Variants in FBXL20 observed in about 807,000 individuals in gnomAD.
The protein encoded by FBXL20 is F-box and leucine rich repeat protein 20, also known as F-box/LRR-repeat protein 20.
In FBXL20, 11 loss-of-function variants were observed where a neutral mutation model predicts 64.0. The ratio of observed to expected loss-of-function variants is 0.17; its 90% CI spans 0.11 to 0.28. The LOEUF (loss-of-function observed/expected upper bound fraction) is 0.28, where lower values mean the gene tolerates loss of function less well. FBXL20 is among the 10% of genes least tolerant of loss of function. FBXL20 has a pLI of 1.00. For synonymous variants in FBXL20, 184 were observed against 189.0 expected (o/e 0.97, Z 0.22); for missense variants, 303 against 526.2 (o/e 0.58, Z 4.15).
At chr17:39,355,421 T>G (rs561689014) in intron 1 of FBXL20, among the ~76,000 whole-genome samples, 5 of 152,324 alleles carry the variant, frequency 3.3e-5, no homozygotes, top group African/African-American at 1.2e-4. Context: ...ATGATTTGAT[T>G]ATTTGATTTG....
At position 39,382,384 on chromosome 17, in the gene FBXL20, A is replaced by G. The variant is rs189895757; in HGVS notation, c.42+18977T>C. On this transcript the variant is annotated intron_variant, in intron 1 of 14. Coordinates refer to ENST00000264658, the MANE Select transcript of FBXL20 (RefSeq NM_032875.3). The stretch of plus-strand genomic sequence containing the variant: ...CGTGAACCCAGGAGGTGGAGGTTGC[A>G]GTGAGCCCAGATCGCGCCACTGCAC... Among the ~76,000 whole-genome samples, 280 of 149,370 alleles carry G rather than the reference A, an allele frequency of 1.9e-3. 2 individuals carry two copies. The highest frequency in any genetic ancestry group is 6.6e-3 in the African/African-American group (269 of 40,530).
intron 12 of FBXL20, among the ~76,000 whole-genome samples, chr17:39,266,956 G>T (rs1390689187): frequency 6.6e-6 from 1 of 152,020 alleles, no homozygotes; most frequent in East Asian, 1.9e-4. Flanking sequence ...AGAAATTCAA[G>T]ACCAGTCTGA....
chr17:39,351,507 G>T (rs537172834), intron 1 of FBXL20, among the ~76,000 whole-genome samples: 1 of 151,966 alleles, frequency 6.6e-6, no homozygotes, highest in East Asian at 1.9e-4. Context: ...TATTTCAGTT[G>T]AATCCAAACT....
chr17:39,284,212 T>G (rs2046970424), intron 7 of FBXL20, among the ~76,000 whole-genome samples: 1 of 152,176 alleles, frequency 6.6e-6, no homozygotes, highest in Non-Finnish European at 1.5e-5. Flanking sequence ...CACAAAGCTT[T>G]TAAATAAATA....
chr17:39,329,736 A>G (rs1216730956), intron 2 of FBXL20, among the ~76,000 whole-genome samples: 1 of 152,186 alleles, frequency 6.6e-6, no homozygotes, highest in Non-Finnish European at 1.5e-5. Flanking sequence ...GGTGGCTCAC[A>G]TCTGTAATCC....
chr17:39,255,117 G>C lies in FBXL20; in HGVS notation c.*6343C>G, dbSNP rs1377959616. 1 of 152,186 alleles carries C rather than the reference G, an allele frequency of 6.6e-6. No homozygotes were observed. The highest frequency in any genetic ancestry group is 6.5e-5 in the Admixed American group (1 of 15,268). The allele number at this position is 152,186 out of a possible 1,614,324, so 9.4% of individuals were successfully genotyped here. Reference sequence around the variant, plus strand: ...CTTCCTAACGATCAAAGGCTTCAGAGACACTGAATTGATGCGTCTAAAAAA... The same window carrying C: ...CTTCCTAACGATCAAAGGCTTCAGACACACTGAATTGATGCGTCTAAAAAA... On this transcript the variant is annotated 3_prime_UTR_variant, in exon 15 of 15. Coordinates refer to ENST00000264658, the MANE Select transcript of FBXL20 (RefSeq NM_032875.3).
intron 2 of FBXL20, among the ~76,000 whole-genome samples, chr17:39,316,186 G>C (rs996117334): frequency 2.6e-5 from 4 of 152,132 alleles, no homozygotes; most frequent in African/African-American, 7.2e-5. Flanking sequence ...TGCAGTGTTG[G>C]ATTGGAATTG....
rs1255730791 is a variant in FBXL20 at position 39,257,064 on chromosome 17, AACCTCC to A, written c.*4390_*4395del. On this transcript the variant is annotated 3_prime_UTR_variant, in exon 15 of 15. Coordinates refer to ENST00000264658, the MANE Select transcript of FBXL20 (RefSeq NM_032875.3). ...CAGTGGTGCGATCTCAGCTCACTGC[AACCTCC>A]ACCTCCCGGGTTCAAGCAATTCTCT... The A allele has an allele frequency of 6.6e-6, 1 of 151,898 alleles. No homozygotes were observed. The highest frequency in any genetic ancestry group is 1.5e-5 in the Non-Finnish European group (1 of 68,000). 9.4% of individuals were successfully genotyped at this position (151,898 alleles called of 1,614,324 possible).
chr17:39,338,408 G>A (rs899482306), intron 2 of FBXL20, among the ~76,000 whole-genome samples: 24 of 151,936 alleles, frequency 1.6e-4, no homozygotes, highest in Non-Finnish European at 2.5e-4. Context: ...GCGGAAGGCC[G>A]CAGGGTCCTC....
intron 2 of FBXL20, among the ~76,000 whole-genome samples, chr17:39,333,112 A>G (rs2047478886): frequency 6.6e-6 from 1 of 151,804 alleles, no homozygotes; most frequent in Non-Finnish European, 1.5e-5. Context: ...CTACTATTTT[A>G]GAAGGAAAAA....
chr17:39,375,166 A>C (rs2047955228), intron 1 of FBXL20, among the ~76,000 whole-genome samples: 1 of 152,152 alleles, frequency 6.6e-6, no homozygotes, highest in African/African-American at 2.4e-5. Flanking sequence ...GTTAAAAATA[A>C]GCAGCATATA....
At chr17:39,298,939 G>C (rs577251599) in intron 5 of FBXL20, 51 bp downstream of exon 5, 1 of 1,442,562 alleles carries the variant, frequency 6.9e-7, no homozygotes, top group South Asian at 1.2e-5. Context: ...GGGTGAGATG[G>C]TGCTGCTCTT....
At chr17:39,274,938 T>C (rs745891974) in intron 10 of FBXL20, 32 bp downstream of exon 10, 6 of 1,611,072 alleles carry the variant, frequency 3.7e-6, no homozygotes, top group Admixed American at 3.4e-5. Flanking sequence ...TTTTGTTCTA[T>C]GATTTTTTTG....
At chr17:39,281,536 A>ACATT in intron 8 of FBXL20, 73 bp from the exon 9 acceptor site, 1 of 1,285,874 alleles carries the variant, frequency 7.8e-7, no homozygotes, top group Middle Eastern at 1.9e-4. Context: ...AAGAATGTAC[A>ACATT]CATTCATTCA....
intron 1 of FBXL20, among the ~76,000 whole-genome samples, chr17:39,374,230 A>T (rs952151317): frequency 2.0e-5 from 3 of 150,942 alleles, no homozygotes; most frequent in African/African-American, 7.3e-5. Flanking sequence ...GTCTCAAAGA[A>T]AAAAAGAAAA....
rs1374444630 is a variant in FBXL20 at position 39,282,715 on chromosome 17, A to AC, written c.621+13dup. 6.2e-7 allele frequency: 1 copy of AC among 1,614,128 alleles called. No individual in the cohort carries two copies. Among genetic ancestry groups the AC allele is most frequent in the East Asian group, 2.2e-5 (1 of 44,872 alleles). On this transcript the variant is annotated intron_variant, in intron 8 of 14. Transcript: ENST00000264658. Reference sequence around the variant, plus strand: ...GATTCTTCCGAATTTCACGAGCCCTACATGGAGTATTACCTGCGTGCAGCC... The same window carrying AC: ...GATTCTTCCGAATTTCACGAGCCCTACCATGGAGTATTACCTGCGTGCAGCC...
rs150170176 is a variant in FBXL20, at chr17:39,382,164, C to A, written c.42+19197G>T. ...TGTATTATAAATTAAAAATAGATGG[C>A]TTGGCGCGGTGGCTCACGCCTGTAA... On this transcript the variant is annotated intron_variant, in intron 1 of 14. Coordinates refer to ENST00000264658, the MANE Select transcript of FBXL20 (RefSeq NM_032875.3). 9.4e-3 allele frequency among the ~76,000 whole-genome samples: 1,417 copies of A among 150,522 alleles called. 10 individuals carry two copies. Among genetic ancestry groups the A allele is most frequent in the South Asian group, 0.019 (91 of 4,774 alleles).
At chr17:39,305,358 T>G (rs965419297) in intron 2 of FBXL20, among the ~76,000 whole-genome samples, 2 of 152,172 alleles carry the variant, frequency 1.3e-5, no homozygotes, top group Admixed American at 6.6e-5. Flanking sequence ...GAAAGCCTGA[T>G]AAACCACACC....
At chr17:39,333,464 T>C (rs959199777) in intron 2 of FBXL20, among the ~76,000 whole-genome samples, 1 of 152,200 alleles carries the variant, frequency 6.6e-6, no homozygotes, top group Admixed American at 6.5e-5. Context: ...TTGCCCAGGC[T>C]GGAGCGCAGT....
Sources: allele counts gnomAD v4.1 joint callset (sites outside exome capture counted in the v4.1 genomes callset), GRCh38; gene constraint gnomAD v4.1.1; transcripts MANE v1.5; gene names NCBI Gene and HGNC (gene_info 2026-07-23, HGNC 2026-07-21).